The following FHIT variants were observed in gnomAD, a reference collection of about 807,000 sequenced individuals.
FHIT encodes bis(5'-adenosyl)-triphosphatase.
Under a neutral mutation model 17.9 loss-of-function variants are expected in FHIT, and 19 were observed. The ratio of observed to expected loss-of-function variants is 1.06; its 90% CI spans 0.74 to 1.56. The LOEUF (loss-of-function observed/expected upper bound fraction) is 1.56, where lower values mean the gene tolerates loss of function less well. FHIT is among the 40% of genes most tolerant of loss of function. The pLI is 0.00. For synonymous variants in FHIT, 81 were observed against 69.7 expected, an observed-to-expected ratio of 1.16 and a Z score of -0.81; for missense variants, 248 against 189.2, an observed-to-expected ratio of 1.31 and a Z score of -1.82.
chr3:61,212,377 C>G (rs1260827224), intron 1 of FHIT, among the ~76,000 whole-genome samples: 1 of 151,992 alleles, frequency 6.6e-6, no homozygotes, highest in African/African-American at 2.4e-5. Flanking sequence ...GGAGCCGATG[C>G]GATCAACTGG....
intron 3 of FHIT, among the ~76,000 whole-genome samples, chr3:60,977,463 C>T (rs1178819457): frequency 1.3e-5 from 2 of 152,202 alleles, no homozygotes; most frequent in Non-Finnish European, 2.9e-5. Context: ...ACCTACACAG[C>T]TATTGTCTGG....
At chr3:60,302,684 T>G (rs1235890089) in intron 5 of FHIT, among the ~76,000 whole-genome samples, 1 of 152,152 alleles carries the variant, frequency 6.6e-6, no homozygotes, top group Non-Finnish European at 1.5e-5. Flanking sequence ...CTTCCAACAA[T>G]CATATTTCAC....
At chr3:61,204,087 A>C (rs984425537) in intron 1 of FHIT, among the ~76,000 whole-genome samples, 1 of 152,258 alleles carries the variant, frequency 6.6e-6, no homozygotes, top group Middle Eastern at 3.2e-3. Flanking sequence ...AAAAGAAGCA[A>C]GTCACAGAAA....
intron 7 of FHIT, among the ~76,000 whole-genome samples, chr3:59,974,265 G>A (rs765679708): frequency 3.3e-5 from 5 of 152,132 alleles, no homozygotes; most frequent in Non-Finnish European, 5.9e-5. Context: ...AAGAAAAGCC[G>A]TGTTCTCATT....
At chr3:59,929,180 A>C (rs1323826890) in intron 7 of FHIT, among the ~76,000 whole-genome samples, 1 of 151,866 alleles carries the variant, frequency 6.6e-6, no homozygotes, top group Non-Finnish European at 1.5e-5. Context: ...TGTTTCCAGC[A>C]ATTTGTTATA....
intron 2 of FHIT, among the ~76,000 whole-genome samples, chr3:61,126,897 A>C (rs1014700992): frequency 1.8e-4 from 28 of 152,118 alleles, no homozygotes; most frequent in Admixed American, 1.8e-3. Context: ...GAAGTAAAGC[A>C]CATAGGGCTG....
chr3:59,964,658 T>C (rs1229612333), intron 7 of FHIT, among the ~76,000 whole-genome samples: 9 of 152,158 alleles, frequency 5.9e-5, no homozygotes, highest in Non-Finnish European at 5.9e-5. Context: ...GTGAACATTA[T>C]GGAAATAAGG....
At chr3:60,451,136 C>T (rs1244963423) in intron 5 of FHIT, among the ~76,000 whole-genome samples, 1 of 151,154 alleles carries the variant, frequency 6.6e-6, no homozygotes, top group Non-Finnish European at 1.5e-5. Flanking sequence ...GTTTTTCTTA[C>T]TACTTGAAAA....
At chr3:60,510,645 A>C (rs1253768046) in intron 5 of FHIT, among the ~76,000 whole-genome samples, 1 of 152,096 alleles carries the variant, frequency 6.6e-6, no homozygotes, top group East Asian at 1.9e-4. Flanking sequence ...ATGTGAGTTC[A>C]AGTCTCTGGT....
At chr3:61,222,484 G>A (rs2039866226) in intron 1 of FHIT, among the ~76,000 whole-genome samples, 1 of 152,168 alleles carries the variant, frequency 6.6e-6, no homozygotes, top group Non-Finnish European at 1.5e-5. Context: ...GGCACCAGCG[G>A]CAAGATTTCT....
At chr3:59,781,516 C>T (rs547017781) in intron 8 of FHIT, among the ~76,000 whole-genome samples, 20 of 152,216 alleles carry the variant, frequency 1.3e-4, no homozygotes, top group Non-Finnish European at 4.4e-5. Flanking sequence ...TACCAAGTTA[C>T]GAATTTTGGA....
At chr3:60,971,247 G>A (rs1489666741) in intron 3 of FHIT, among the ~76,000 whole-genome samples, 4 of 152,146 alleles carry the variant, frequency 2.6e-5, no homozygotes, top group Non-Finnish European at 4.4e-5. Flanking sequence ...GTGTGTGCCT[G>A]TAGTCCCAGC....
chr3:60,799,498 ATGCCCTCT>A (rs1701109636), intron 4 of FHIT, among the ~76,000 whole-genome samples: 1 of 64,572 alleles, frequency 1.5e-5, no homozygotes, highest in Non-Finnish European at 4.7e-5. Context: ...ATAACATATG[ATGCCCTCT>A]AAAATCTTGT....
chr3:60,862,571 C>T (rs1410743963), intron 3 of FHIT, among the ~76,000 whole-genome samples: 3 of 152,028 alleles, frequency 2.0e-5, no homozygotes, highest in Admixed American at 1.3e-4. Flanking sequence ...ATCCCTGGGC[C>T]GGGCATGGTG....
chr3:61,187,459 T>G (rs1031635472), intron 2 of FHIT, among the ~76,000 whole-genome samples: 1 of 152,154 alleles, frequency 6.6e-6, no homozygotes, highest in African/African-American at 2.4e-5. Context: ...TAAAGAGATT[T>G]AGACTCCCAC....
At chr3:60,235,566 G>A (rs1704739760) in intron 5 of FHIT, among the ~76,000 whole-genome samples, 1 of 152,148 alleles carries the variant, frequency 6.6e-6, no homozygotes, top group Non-Finnish European at 1.5e-5. Context: ...CTTCTCAGAC[G>A]TTTGAGAAAC....
At chr3:60,844,851 C>T (rs1052456414) in intron 3 of FHIT, among the ~76,000 whole-genome samples, 7 of 152,056 alleles carry the variant, frequency 4.6e-5, no homozygotes, top group Non-Finnish European at 1.0e-4. Context: ...TTCATTAGCG[C>T]TACATAGCTG....
chr3:60,690,253 A>G (rs1343886719), intron 4 of FHIT: 2 of 541,420 alleles, frequency 3.7e-6, no homozygotes, highest in Admixed American at 3.9e-5. Context: ...AGCAATAGTG[A>G]CCTTCTTGCT....
Position 60,097,085 on chromosome 3 carries a change from T to G in FHIT, c.104-82933A>C, listed in dbSNP as rs956709282. ...TCCTTAAAGAATTAGGGTCTCCATG[T>G]AGAGTACCAGGTGGCCAGGTGAAAA... On this transcript the variant is annotated intron_variant, in intron 5 of 9. Transcript: ENST00000492590. Among the ~76,000 whole-genome samples the G allele has an allele frequency of 2.2e-4, 33 of 149,668 alleles. No individual in the cohort carries two copies. In the Middle Eastern group the frequency reaches 0.014, roughly 64 times the overall value.
Sources: gnomAD v4.1 joint callset for allele counts (sites outside exome capture counted in the v4.1 genomes callset) on GRCh38, gnomAD v4.1.1 for gene constraint, MANE v1.5 for transcripts, NCBI Gene and HGNC (gene_info 2026-07-23, HGNC 2026-07-21) for gene names.